The following CSMD3 variants were observed in gnomAD, a reference collection of about 807,000 sequenced individuals.
CSMD3 encodes CUB and sushi domain-containing protein 3.
In CSMD3, 177 loss-of-function variants were observed where a neutral mutation model predicts 435.2. That is an observed-to-expected ratio of 0.41 (90% CI 0.36 to 0.46). CSMD3 has a LOEUF of 0.46. Ranked by LOEUF, CSMD3 falls within the 20% of genes least tolerant of loss-of-function variation. The pLI, the probability that CSMD3 is intolerant of heterozygous loss-of-function variation, is 0.34. For missense variants in CSMD3, 4,265 were observed against 4,504.6 expected (o/e 0.95, Z 1.52); for synonymous variants, 1,656 against 1,520.5 (o/e 1.09, Z -2.07).
chr8:113,376,658 G>T, intron 1 of CSMD3: 1 of 1,514,350 alleles, frequency 6.6e-7, no homozygotes, highest in Non-Finnish European at 9.2e-7. Flanking sequence ...GGCCAGGCAG[G>T]AGGCGCCATC....
intron 41 of CSMD3, among the ~76,000 whole-genome samples, chr8:112,343,390 A>T (rs1825364954): frequency 6.6e-6 from 1 of 152,158 alleles, no homozygotes; most frequent in East Asian, 1.9e-4. Flanking sequence ...CTTCGAATTT[A>T]GAGTTTCCAC....
chr8:113,005,174 T>C (rs1352784666), intron 6 of CSMD3, among the ~76,000 whole-genome samples: 1 of 151,896 alleles, frequency 6.6e-6, no homozygotes, highest in Non-Finnish European at 1.5e-5. Context: ...CTGAGTCATT[T>C]GGTAAACCTA....
intron 1 of CSMD3, among the ~76,000 whole-genome samples, chr8:113,404,357 A>T (rs983310266): frequency 5.9e-5 from 9 of 151,410 alleles, no homozygotes; most frequent in Non-Finnish European, 7.4e-5. Flanking sequence ...GAATAAACTA[A>T]ATTCATAAGC....
chr8:112,862,217 G>A (rs2080845733), intron 10 of CSMD3, among the ~76,000 whole-genome samples: 1 of 151,914 alleles, frequency 6.6e-6, no homozygotes. Context: ...CACTTAACAA[G>A]TTGTATATCT....
At chr8:112,536,720 G>A (rs1306271024) in intron 27 of CSMD3, among the ~76,000 whole-genome samples, 2 of 149,340 alleles carry the variant, frequency 1.3e-5, no homozygotes, top group Non-Finnish European at 3.0e-5. Context: ...ACACGCATGC[G>A]TATGTTTATT....
At chr8:112,466,220 T>TA (rs1817943719) in intron 32 of CSMD3, among the ~76,000 whole-genome samples, 1 of 152,180 alleles carries the variant, frequency 6.6e-6, no homozygotes, top group Non-Finnish European at 1.5e-5. Context: ...AAGTATTCAT[T>TA]CATTACTGAA....
intron 7 of CSMD3, among the ~76,000 whole-genome samples, chr8:112,970,617 C>T (rs1277398362): frequency 1.3e-5 from 2 of 151,774 alleles, no homozygotes; most frequent in East Asian, 3.9e-4. Context: ...TTGTTGCAGA[C>T]TAATATTTCT....
chr8:112,905,321 T>TATACACAC lies in CSMD3; in HGVS notation c.1633+16305_1633+16306insGTGTGTAT, dbSNP rs5894119. Among the ~76,000 whole-genome samples, 1,031 of 145,672 alleles carry TATACACAC rather than the reference T, an allele frequency of 7.1e-3. 11 individuals are homozygous for TATACACAC. The highest frequency in any genetic ancestry group is 0.024 in the African/African-American group (927 of 39,246). On this transcript the variant is annotated intron_variant, in intron 10 of 70. Coordinates refer to ENST00000297405, the MANE Select transcript of CSMD3 (RefSeq NM_198123.2). ...TATACTATGTGTATATATATATATATACACACACACACACACACATATATA... is the reference window on the plus strand; with the variant it reads ...TATACTATGTGTATATATATATATATATACACACACACACACACACACACACATATATA...
chr8:112,451,733 T>G (rs1282648421), intron 32 of CSMD3, among the ~76,000 whole-genome samples: 1 of 152,128 alleles, frequency 6.6e-6, no homozygotes, highest in African/African-American at 2.4e-5. Context: ...AGACGGGTTT[T>G]CTCCACATTG....
At chr8:113,323,146 A>G (rs2093960494) in intron 1 of CSMD3, among the ~76,000 whole-genome samples, 1 of 152,100 alleles carries the variant, frequency 6.6e-6, no homozygotes, top group Non-Finnish European at 1.5e-5. Flanking sequence ...TTGAAGCCCT[A>G]ATCACTGTCT....
chr8:113,261,058 G>A (rs545206048), intron 3 of CSMD3, among the ~76,000 whole-genome samples: 14 of 152,108 alleles, frequency 9.2e-5, no homozygotes, highest in Admixed American at 4.6e-4. Context: ...TCTTTACAGT[G>A]GAATGGAAAT....
At chr8:113,068,566 G>C (rs2131393096) in intron 5 of CSMD3, among the ~76,000 whole-genome samples, 1 of 152,160 alleles carries the variant, frequency 6.6e-6, no homozygotes, top group Admixed American at 6.5e-5. Context: ...TTGTGTACCT[G>C]GTTAGAAATG....
chr8:112,939,162 A>G (rs147050507), intron 9 of CSMD3, among the ~76,000 whole-genome samples: 15 of 152,268 alleles, frequency 9.9e-5, no homozygotes, highest in Admixed American at 3.3e-4. Context: ...AACAGAATAA[A>G]TAGAAGATAA....
At chr8:112,711,431 A>G (rs1290215384) in intron 13 of CSMD3, among the ~76,000 whole-genome samples, 3 of 152,152 alleles carry the variant, frequency 2.0e-5, no homozygotes, top group Non-Finnish European at 2.9e-5. Context: ...AACTAGTTCA[A>G]TGGGTTGTTG....
At chr8:112,906,309 C>T (rs887236745) in intron 10 of CSMD3, among the ~76,000 whole-genome samples, 1 of 151,246 alleles carries the variant, frequency 6.6e-6, no homozygotes, top group African/African-American at 2.4e-5. Flanking sequence ...AACAGAATGA[C>T]TACTGTTTAC....
chr8:113,310,915 A>T (rs959338703), intron 2 of CSMD3: 4 of 151,938 alleles, frequency 2.6e-5, no homozygotes, highest in African/African-American at 9.7e-5. Context: ...GCATAAATTA[A>T]TGCTTACATA....
At chr8:112,674,462 C>T (rs539138838) in intron 16 of CSMD3, among the ~76,000 whole-genome samples, 17 of 152,102 alleles carry the variant, frequency 1.1e-4, no homozygotes, top group Admixed American at 2.6e-4. Flanking sequence ...GGCTTCTCAC[C>T]GCACAATTCC....
intron 4 of CSMD3, among the ~76,000 whole-genome samples, chr8:113,126,286 A>G (rs1588120428): frequency 6.6e-6 from 1 of 152,104 alleles, no homozygotes; most frequent in East Asian, 1.9e-4. Flanking sequence ...AGAAAGAAAA[A>G]GAAGCACAGA....
chr8:113,246,487 T>C (rs1170326379), intron 3 of CSMD3, among the ~76,000 whole-genome samples: 1 of 152,186 alleles, frequency 6.6e-6, no homozygotes, highest in Non-Finnish European at 1.5e-5. Flanking sequence ...TTCTTCCACT[T>C]AATTCTTTAG....
Sources: allele counts gnomAD v4.1 joint callset (sites outside exome capture counted in the v4.1 genomes callset), GRCh38; gene constraint gnomAD v4.1.1; transcripts MANE v1.5; gene names NCBI Gene and HGNC (gene_info 2026-07-23, HGNC 2026-07-21).